TAFA1: variants seen among roughly 807,000 people sequenced by gnomAD.
TAFA1 encodes the protein TAFA chemokine like family member 1.
Under a neutral mutation model 18.5 loss-of-function variants are expected in TAFA1, and 4 were observed. That is an observed-to-expected ratio of 0.22 (90% confidence interval 0.11 to 0.49). TAFA1 has a LOEUF of 0.49. Ranked by LOEUF, TAFA1 falls within the 20% of genes least tolerant of loss-of-function variation. TAFA1 has a pLI of 0.98. For synonymous variants in TAFA1, 56 were observed against 55.2 expected, an observed-to-expected ratio of 1.01 and a Z score of -0.06; for missense variants, 147 against 169.0, an observed-to-expected ratio of 0.87 and a Z score of 0.72.
intron 2 of TAFA1, among the ~76,000 whole-genome samples, chr3:68,175,294 G>A (rs940247743): frequency 2.2e-4 from 34 of 152,204 alleles, no homozygotes; most frequent in Non-Finnish European, 2.6e-4. Flanking sequence ...GCTGTGAGAA[G>A]AGGGCCACTG....
Position 68,223,024 on chromosome 3 carries a change from ATGGCAT to A in TAFA1, c.119-194254_119-194249del, listed in dbSNP as rs200860288. On this transcript the variant is annotated intron_variant, in intron 2 of 4. Transcript: ENST00000478136. ...CACTTTCTATTGAACATTCTTCATT[ATGGCAT>A]TTTTTTCCCACAAATATGACAATGC... Among the ~76,000 whole-genome samples the A allele has an allele frequency of 5.7e-4, 86 of 152,204 alleles. 1 individual carries two copies. In the East Asian group the frequency reaches 0.016, roughly 28 times the overall value.
chr3:67,994,106 G>A, the TAFA1 span, among the ~76,000 whole-genome samples: 5 of 152,098 alleles, frequency 3.3e-5, no homozygotes, highest in African/African-American at 1.2e-4. Context: ...TATAAGTTTT[G>A]GGTGTGTCTG....
At chr3:68,309,049 C>G (rs1015401238) in intron 2 of TAFA1, among the ~76,000 whole-genome samples, 4 of 152,048 alleles carry the variant, frequency 2.6e-5, no homozygotes, top group African/African-American at 9.7e-5. Context: ...GCTCTCATCA[C>G]AGATCTGCAC....
intron 3 of TAFA1, among the ~76,000 whole-genome samples, chr3:68,515,043 T>C (rs1252008650): frequency 6.6e-6 from 1 of 152,118 alleles, no homozygotes; most frequent in Non-Finnish European, 1.5e-5. Context: ...ACTGAATTGG[T>C]TGTGAAAGTT....
At chr3:68,186,263 A>G (rs1279907005) in intron 2 of TAFA1, among the ~76,000 whole-genome samples, 1 of 152,042 alleles carries the variant, frequency 6.6e-6, no homozygotes, top group Non-Finnish European at 1.5e-5. Flanking sequence ...CAGGGCAATT[A>G]CAAACCAGTG....
At chr3:68,267,887 G>T (rs1055935907) in intron 2 of TAFA1, among the ~76,000 whole-genome samples, 2 of 152,048 alleles carry the variant, frequency 1.3e-5, no homozygotes, top group Non-Finnish European at 2.9e-5. Context: ...ATAAATCTCT[G>T]CTAGACAATT....
chr3:68,156,730 ATAT>A (rs1214136694), intron 2 of TAFA1, among the ~76,000 whole-genome samples: 4 of 151,130 alleles, frequency 2.6e-5, no homozygotes, highest in Non-Finnish European at 2.9e-5. Context: ...CATCTTTATA[ATAT>A]TAATAATAAC....
At chr3:68,012,247 T>C (rs931046332) in intron 2 of TAFA1, among the ~76,000 whole-genome samples, 2 of 152,216 alleles carry the variant, frequency 1.3e-5, no homozygotes, top group South Asian at 4.1e-4. Flanking sequence ...CAGGTGCTTA[T>C]ACTAAGAAAA....
At chr3:68,305,416 T>A (rs1472206363) in intron 2 of TAFA1, among the ~76,000 whole-genome samples, 90 of 38,494 alleles carry the variant, frequency 2.3e-3, no homozygotes, top group Non-Finnish European at 3.8e-3. Flanking sequence ...TGACTATATA[T>A]ATATATATAT....
chr3:68,187,548 A>G (rs1034766864), intron 2 of TAFA1, among the ~76,000 whole-genome samples: 1 of 152,024 alleles, frequency 6.6e-6, no homozygotes, highest in African/African-American at 2.4e-5. Context: ...CAGTATGATT[A>G]CAGGACAAAT....
chr3:68,338,116 C>A (rs930284521), intron 2 of TAFA1, among the ~76,000 whole-genome samples: 17 of 152,208 alleles, frequency 1.1e-4, no homozygotes, highest in Non-Finnish European at 2.2e-4. Flanking sequence ...CTCTGGACTA[C>A]CTGCTATGGA....
At chr3:68,464,252 G>A (rs1245385966) in intron 3 of TAFA1, among the ~76,000 whole-genome samples, 3 of 152,158 alleles carry the variant, frequency 2.0e-5, no homozygotes, top group African/African-American at 7.2e-5. Flanking sequence ...GCAGTCTAGT[G>A]GGGATAGGAC....
At position 68,405,699 on chromosome 3, in the gene TAFA1, CAAAAAAAAAAAAAAAAAAAAAAAAAA is replaced by C. The variant is rs56258198; in HGVS notation, c.119-11565_119-11540del. Among the ~76,000 whole-genome samples, 115 of 32,892 alleles carry C rather than the reference CAAAAAAAAAAAAAAAAAAAAAAAAAA, an allele frequency of 3.5e-3. 2 individuals carry two copies. The highest frequency in any genetic ancestry group is 7.5e-3 in the African/African-American group (106 of 14,048). 21.6% of individuals were successfully genotyped at this position (32,892 alleles called of 152,430 possible). A position where few individuals can be genotyped will look rare whatever the true frequency, so the allele number is the denominator to read the frequency against. ...TAGGCAATGGAGTGAGACTCTATCT[CAAAAAAAAAAAAAAAAAAAAAAAAAA>C]AAAAAAAAAAAAAAAGACTAGACAA... On this transcript the variant is annotated intron_variant, in intron 2 of 4. Coordinates refer to ENST00000478136, the MANE Select transcript of TAFA1 (RefSeq NM_213609.4).
chr3:68,506,896 G>A (rs1427031019), intron 3 of TAFA1, among the ~76,000 whole-genome samples: 1 of 151,992 alleles, frequency 6.6e-6, no homozygotes, highest in Non-Finnish European at 1.5e-5. Flanking sequence ...AATACATATT[G>A]TATGGCAATA....
intron 2 of TAFA1, among the ~76,000 whole-genome samples, chr3:68,132,825 T>C (rs1193948700): frequency 6.6e-6 from 1 of 151,880 alleles, no homozygotes; most frequent in Non-Finnish European, 1.5e-5. Context: ...ATTCTGTAGG[T>C]CACCTGTTCA....
chr3:68,306,459 A>T (rs1025470591), intron 2 of TAFA1, among the ~76,000 whole-genome samples: 1 of 152,174 alleles, frequency 6.6e-6, no homozygotes, highest in African/African-American at 2.4e-5. Context: ...TTTAGTTTTC[A>T]CATATTCAGA....
At chr3:68,014,506 T>G (rs1193289147) in intron 2 of TAFA1, among the ~76,000 whole-genome samples, 1 of 152,168 alleles carries the variant, frequency 6.6e-6, no homozygotes, top group East Asian at 1.9e-4. Flanking sequence ...CTCCTTTAAG[T>G]TGTCAAATTG....
chr3:68,204,690 A>G (rs987130240), intron 2 of TAFA1, among the ~76,000 whole-genome samples: 1 of 151,872 alleles, frequency 6.6e-6, no homozygotes, highest in African/African-American at 2.4e-5. Flanking sequence ...AATATTCACT[A>G]TATTGTATCT....
chr3:68,378,851 C>G (rs2106660896), intron 2 of TAFA1, among the ~76,000 whole-genome samples: 1 of 152,156 alleles, frequency 6.6e-6, no homozygotes, highest in South Asian at 2.1e-4. Flanking sequence ...ACTCCTCTCT[C>G]TCTTGCCACC....
Sources: gnomAD v4.1 joint callset for allele counts (sites outside exome capture counted in the v4.1 genomes callset) on GRCh38, gnomAD v4.1.1 for gene constraint, MANE v1.5 for transcripts, NCBI Gene and HGNC (gene_info 2026-07-23, HGNC 2026-07-21) for gene names.